Variants in SIPA1L2 observed in about 807,000 individuals in gnomAD.
SIPA1L2 encodes signal-induced proliferation-associated 1-like protein 2.
Under a neutral mutation model 163.9 loss-of-function variants are expected in SIPA1L2, and 56 were observed. The observed-to-expected ratio is 0.34, with a 90% CI of 0.28 to 0.43. SIPA1L2 has a LOEUF of 0.43. Ranked by LOEUF, SIPA1L2 falls within the 20% of genes least tolerant of loss-of-function variation. SIPA1L2 has a pLI of 1.00. For synonymous variants in SIPA1L2, 877 were observed against 865.7 expected, an observed-to-expected ratio of 1.01 and a Z score of -0.23; for missense variants, 1,974 against 2,193.5, an observed-to-expected ratio of 0.90 and a Z score of 2.00.
Position 232,415,505 on chromosome 1 carries a change from C to T in SIPA1L2, c.4751G>A (p.Arg1584Gln), listed in dbSNP as rs760457506. ...TGGTGAGTCTTTACCTTCAAATGCC[C>T]GTGCAGCATCCACGAGGTGGGTCCA... ...LDWTHLVDAARAFEGLDSDEE... is the reference protein window; with the variant it reads ...LDWTHLVDAAQAFEGLDSDEE... The change falls in exon 19 of 23, where the codon CGG becomes CAG. Residue 1584 changes from arginine (R) to glutamine (Q), a missense_variant. Transcript: ENST00000674635. 15 of 1,610,616 alleles carry T rather than the reference C, an allele frequency of 9.3e-6. No individual in the cohort carries two copies. The highest frequency in any genetic ancestry group is 6.7e-5 in the African/African-American group (5 of 74,776).
chr1:232,428,569 T>C lies in SIPA1L2; in HGVS notation c.4257-5A>G. 1 of 1,521,792 alleles carries C rather than the reference T, an allele frequency of 6.6e-7. No homozygotes were observed. The highest frequency in any genetic ancestry group is 8.8e-7 in the Non-Finnish European group (1 of 1,137,396). The allele number at this position is 1,521,792 out of a possible 1,614,324, so 94.3% of individuals were successfully genotyped here. ...ACATCCATCTCACTATACATCCTGTTGAAAACAATCAGAATGGAAATTAAG... is the reference window on the plus strand; with the variant it reads ...ACATCCATCTCACTATACATCCTGTCGAAAACAATCAGAATGGAAATTAAG... On this transcript the variant is annotated splice_region_variant and splice_polypyrimidine_tract_variant and intron_variant, in intron 16 of 22. Transcript: ENST00000674635.
At chr1:232,551,893 G>C (rs1658408958) in intron 2 of SIPA1L2, among the ~76,000 whole-genome samples, 1 of 152,216 alleles carries the variant, frequency 6.6e-6, no homozygotes, top group African/African-American at 2.4e-5. Flanking sequence ...AGGCTGGAGT[G>C]CAATGGTGCG....
intron 2 of SIPA1L2, among the ~76,000 whole-genome samples, chr1:232,555,755 A>G (rs769574383): frequency 7.9e-5 from 12 of 152,258 alleles, no homozygotes; most frequent in Non-Finnish European, 1.8e-4. Context: ...AAAGGACAGA[A>G]CAGCAGGGGA....
Position 232,435,593 on chromosome 1 carries a change from G to A in SIPA1L2, c.4032-3122C>T, listed in dbSNP as rs143943541. 8.5e-4 allele frequency among the ~76,000 whole-genome samples: 129 copies of A among 152,302 alleles called. No homozygotes were observed. In the Middle Eastern group the frequency reaches 0.014, roughly 16 times the overall value. On this transcript the variant is annotated intron_variant, in intron 15 of 22. Transcript: ENST00000674635. ...GAATAATGATAAACAGCCCAACGTC[G>A]TGTGTGCCATTTACAGGAGAATCCA...
intron 1 of SIPA1L2, among the ~76,000 whole-genome samples, chr1:232,612,998 C>T (rs951112343): frequency 2.0e-5 from 3 of 152,140 alleles, no homozygotes; most frequent in Non-Finnish European, 4.4e-5. Context: ...ATACTGTTCT[C>T]GTGGTACTGA....
At chr1:232,603,587 C>T (rs1661725670) in intron 1 of SIPA1L2, among the ~76,000 whole-genome samples, 1 of 152,094 alleles carries the variant, frequency 6.6e-6, no homozygotes, top group Non-Finnish European at 1.5e-5. Flanking sequence ...ACCCACAGAG[C>T]CGGGAGGGAA....
chr1:232,521,340 T>C (rs1667449387), intron 2 of SIPA1L2, among the ~76,000 whole-genome samples: 1 of 152,170 alleles, frequency 6.6e-6, no homozygotes, highest in South Asian at 2.1e-4. Flanking sequence ...CTCCTTGATG[T>C]AGTTAAGAAT....
At chr1:232,497,354 G>A (rs550043346) in intron 3 of SIPA1L2, among the ~76,000 whole-genome samples, 1 of 151,456 alleles carries the variant, frequency 6.6e-6, no homozygotes, top group African/African-American at 2.4e-5. Flanking sequence ...GGGAGGCAGA[G>A]TCGATGGGGG....
intron 1 of SIPA1L2, among the ~76,000 whole-genome samples, chr1:232,576,241 G>C (rs1054185664): frequency 1.3e-5 from 2 of 152,208 alleles, no homozygotes; most frequent in Admixed American, 1.3e-4. Context: ...TGGCAACCCT[G>C]CATGGAGCAA....
chr1:232,516,179 T>C (rs1364107831), intron 2 of SIPA1L2, among the ~76,000 whole-genome samples: 6 of 152,212 alleles, frequency 3.9e-5, no homozygotes, highest in Non-Finnish European at 7.4e-5. Flanking sequence ...ATACAAGACA[T>C]TAACAAGAGA....
At chr1:232,593,319 C>T (rs547980462) in intron 1 of SIPA1L2, among the ~76,000 whole-genome samples, 5 of 152,034 alleles carry the variant, frequency 3.3e-5, no homozygotes, top group Non-Finnish European at 7.4e-5. Flanking sequence ...TTCCTGAGTC[C>T]TTTCTGCAGC....
intron 14 of SIPA1L2, among the ~76,000 whole-genome samples, chr1:232,439,789 AT>A (rs1662782915): frequency 2.0e-5 from 3 of 152,244 alleles, no homozygotes; most frequent in Non-Finnish European, 4.4e-5. Flanking sequence ...AAAGAAAATA[AT>A]AAGCAAAGGT....
chr1:232,415,363 C>T, intron 19 of SIPA1L2, 131 bp downstream of exon 19: 1 of 1,173,270 alleles, frequency 8.5e-7, no homozygotes, highest in Non-Finnish European at 1.1e-6. Context: ...TTTCATCATC[C>T]AACAAGGCAA....
At chr1:232,525,085 C>G (rs1020613910) in intron 2 of SIPA1L2, among the ~76,000 whole-genome samples, 2 of 151,708 alleles carry the variant, frequency 1.3e-5, no homozygotes, top group Non-Finnish European at 1.5e-5. Context: ...TAAAGTCCCA[C>G]ACTAAGATAA....
At chr1:232,462,237 A>G in intron 9 of SIPA1L2, 1 of 1,551,058 alleles carries the variant, frequency 6.4e-7, no homozygotes, top group Non-Finnish European at 8.7e-7. Context: ...GGGCTCATTA[A>G]GTATCACCCG....
chr1:232,449,491 C>G (rs1241568153), intron 10 of SIPA1L2, among the ~76,000 whole-genome samples: 1 of 141,704 alleles, frequency 7.1e-6, no homozygotes, highest in Non-Finnish European at 1.5e-5. Flanking sequence ...GCAGTCCGGC[C>G]TAGGCAAAAT....
intron 1 of SIPA1L2, among the ~76,000 whole-genome samples, chr1:232,623,602 T>C (rs1182339367): frequency 6.6e-6 from 1 of 152,008 alleles, no homozygotes; most frequent in East Asian, 1.9e-4. Flanking sequence ...TGCGAGACTC[T>C]GTCTCAAAAA....
At chr1:232,454,410 TC>T (rs899980053) in intron 10 of SIPA1L2, among the ~76,000 whole-genome samples, 1 of 152,184 alleles carries the variant, frequency 6.6e-6, no homozygotes, top group African/African-American at 2.4e-5. Context: ...TATCTTTGTA[TC>T]CCCAGTACCT....
chr1:232,554,797 T>C (rs970052815), intron 2 of SIPA1L2, among the ~76,000 whole-genome samples: 2 of 152,196 alleles, frequency 1.3e-5, no homozygotes, highest in Non-Finnish European at 2.9e-5. Context: ...TTTAATTTTA[T>C]CTAACAGGCT....
Sources: allele counts gnomAD v4.1 joint callset (sites outside exome capture counted in the v4.1 genomes callset), GRCh38; gene constraint gnomAD v4.1.1; transcripts MANE v1.5; gene names NCBI Gene and HGNC (gene_info 2026-07-23, HGNC 2026-07-21).